Variants in ST6GAL1 observed in about 807,000 individuals in gnomAD.
ST6GAL1 encodes the protein beta-galactoside alpha-2,6-sialyltransferase 1.
A neutral mutation model predicts 38.0 loss-of-function variants in ST6GAL1; 20 were observed. The observed-to-expected ratio is 0.53, with a 90% CI of 0.37 to 0.77. ST6GAL1 has a LOEUF of 0.77. ST6GAL1 is among the 30% of genes least tolerant of loss of function. The pLI, the probability that ST6GAL1 is intolerant of heterozygous loss-of-function variation, is 0.00. For synonymous variants in ST6GAL1, 196 were observed against 188.2 expected (o/e 1.04, Z -0.34); for missense variants, 432 against 496.4 (o/e 0.87, Z 1.23).
chr3:187,048,011 T>C (rs1191078013), intron 4 of ST6GAL1, among the ~76,000 whole-genome samples: 2 of 151,436 alleles, frequency 1.3e-5, no homozygotes, highest in Admixed American at 6.6e-5. Context: ...GGCGTGATCT[T>C]GGCTCACTGC....
chr3:187,035,127 A>T (rs1192801210), intron 2 of ST6GAL1, among the ~76,000 whole-genome samples: 1 of 152,218 alleles, frequency 6.6e-6, no homozygotes, highest in African/African-American at 2.4e-5. Context: ...TGAGAGTCAA[A>T]TCAACAACAC....
chr3:186,992,915 A>G (rs1716226385), intron 2 of ST6GAL1, among the ~76,000 whole-genome samples: 2 of 152,098 alleles, frequency 1.3e-5, no homozygotes, highest in African/African-American at 4.8e-5. Flanking sequence ...GATATTTTCC[A>G]CTGCTGGTCA....
chr3:187,053,051 A>ATGATGAGCATTTTT (rs1357608646), intron 5 of ST6GAL1, among the ~76,000 whole-genome samples: 3 of 152,242 alleles, frequency 2.0e-5, no homozygotes, highest in Non-Finnish European at 4.4e-5. Flanking sequence ...ATGACCAGTG[A>ATGATGAGCATTTTT]TGATGAGCAT....
chr3:186,966,106 G>A (rs1715104064), intron 2 of ST6GAL1, among the ~76,000 whole-genome samples: 3 of 152,228 alleles, frequency 2.0e-5, no homozygotes, highest in Non-Finnish European at 2.9e-5. Context: ...TACCATGTTG[G>A]TCAGGCTGGT....
intron 2 of ST6GAL1, among the ~76,000 whole-genome samples, chr3:186,970,198 C>A (rs867809316): frequency 6.9e-6 from 1 of 144,928 alleles, no homozygotes; most frequent in African/African-American, 2.6e-5. Flanking sequence ...AGAACTATTT[C>A]TTTTTCTTTT....
chr3:186,974,790 G>A (rs1715468970), intron 2 of ST6GAL1, among the ~76,000 whole-genome samples: 1 of 152,092 alleles, frequency 6.6e-6, no homozygotes, highest in Admixed American at 6.5e-5. Context: ...CAAGTGGTGG[G>A]GGCTGCTTCA....
intron 2 of ST6GAL1, among the ~76,000 whole-genome samples, chr3:186,998,147 C>T (rs1473964689): frequency 1.3e-5 from 2 of 152,068 alleles, no homozygotes; most frequent in East Asian, 3.8e-4. Context: ...TTAATTTAAA[C>T]AACATAGAAC....
intron 2 of ST6GAL1, among the ~76,000 whole-genome samples, chr3:187,029,216 C>T (rs578083201): frequency 3.3e-5 from 5 of 152,120 alleles, no homozygotes; most frequent in East Asian, 1.9e-4. Context: ...GCTTGACTCA[C>T]GAGAGGTGTT....
chr3:186,938,438 G>T (rs757394269), intron 1 of ST6GAL1, among the ~76,000 whole-genome samples: 15 of 152,158 alleles, frequency 9.9e-5, no homozygotes, highest in Non-Finnish European at 1.0e-4. Flanking sequence ...AGATGAAATC[G>T]TGGGTGAAAG....
At chr3:186,949,515 G>A (rs1714505549) in intron 1 of ST6GAL1, among the ~76,000 whole-genome samples, 1 of 152,138 alleles carries the variant, frequency 6.6e-6, no homozygotes, top group African/African-American at 2.4e-5. Flanking sequence ...TGCAAATTTG[G>A]ATGAGGGGAA....
At chr3:187,015,322 A>G (rs1717080800) in intron 2 of ST6GAL1, among the ~76,000 whole-genome samples, 1 of 152,204 alleles carries the variant, frequency 6.6e-6, no homozygotes, top group Non-Finnish European at 1.5e-5. Context: ...CCAAATGTTG[A>G]TTCTGTAAAT....
At chr3:187,034,573 A>T (rs991615968) in intron 2 of ST6GAL1, among the ~76,000 whole-genome samples, 1 of 152,232 alleles carries the variant, frequency 6.6e-6, no homozygotes, top group Non-Finnish European at 1.5e-5. Context: ...AGTAGGCTTC[A>T]TTCCTGGGAT....
intron 2 of ST6GAL1, chr3:186,986,376 T>C (rs1216431704): frequency 6.6e-6 from 1 of 152,282 alleles, no homozygotes; most frequent in Non-Finnish European, 1.5e-5. Flanking sequence ...TCAATAAATA[T>C]TCAACAGTAA....
At chr3:186,958,976 A>T (rs942841756) in intron 1 of ST6GAL1, among the ~76,000 whole-genome samples, 4 of 149,900 alleles carry the variant, frequency 2.7e-5, no homozygotes, top group Non-Finnish European at 5.9e-5. Context: ...AATTAAATAA[A>T]TAAATAAATA....
intron 5 of ST6GAL1, among the ~76,000 whole-genome samples, chr3:187,067,401 T>C (rs1243489988): frequency 3.3e-5 from 5 of 149,896 alleles, no homozygotes; most frequent in African/African-American, 1.2e-4. Flanking sequence ...AACCTTTTTT[T>C]TTTTTTTTTT....
At chr3:187,010,626 G>A (rs1428755018) in intron 2 of ST6GAL1, among the ~76,000 whole-genome samples, 2 of 152,112 alleles carry the variant, frequency 1.3e-5, no homozygotes, top group Non-Finnish European at 2.9e-5. Flanking sequence ...AAGAGAGCCA[G>A]ACAGACTCCA....
intron 2 of ST6GAL1, among the ~76,000 whole-genome samples, chr3:186,972,431 G>T (rs1231851338): frequency 6.6e-6 from 1 of 152,018 alleles, no homozygotes; most frequent in African/African-American, 2.4e-5. Context: ...TGTGTTTTTA[G>T]TAGAGACAGG....
intron 5 of ST6GAL1, among the ~76,000 whole-genome samples, chr3:187,060,317 T>A (rs567149252): frequency 1.3e-5 from 2 of 152,076 alleles, no homozygotes; most frequent in African/African-American, 4.8e-5. Flanking sequence ...CCCACAACCA[T>A]GCCCGACTAA....
At chr3:187,055,690 T>G (rs551613680) in intron 5 of ST6GAL1, among the ~76,000 whole-genome samples, 1 of 152,340 alleles carries the variant, frequency 6.6e-6, no homozygotes, top group South Asian at 2.1e-4. Context: ...ATGATTTCTC[T>G]TCTTTTATGT....
Sources: gnomAD v4.1 joint callset for allele counts (sites outside exome capture counted in the v4.1 genomes callset) on GRCh38, gnomAD v4.1.1 for gene constraint, MANE v1.5 for transcripts, NCBI Gene and HGNC (gene_info 2026-07-23, HGNC 2026-07-21) for gene names.